Variants in SYT1 observed in about 807,000 individuals in gnomAD.
SYT1 encodes synaptotagmin 1, also known as synaptotagmin-1.
A neutral mutation model predicts 44.8 loss-of-function variants in SYT1; 8 were observed. The observed-to-expected ratio is 0.18, with a 90% confidence interval of 0.10 to 0.32. The LOEUF (loss-of-function observed/expected upper bound fraction) is 0.32, where lower values mean the gene tolerates loss of function less well. Among genes scored for constraint, SYT1 ranks in the 10% least tolerant of loss-of-function variants. SYT1 has a pLI of 1.00. For missense variants in SYT1, 286 were observed against 509.3 expected (o/e 0.56, Z 4.22); for synonymous variants, 154 against 188.8 (o/e 0.82, Z 1.51).
chr12:79,252,799 A>T (rs1427487407), intron 4 of SYT1, among the ~76,000 whole-genome samples: 1 of 152,190 alleles, frequency 6.6e-6, no homozygotes, highest in Non-Finnish European at 1.5e-5. Flanking sequence ...ATCCTGACTA[A>T]TACAGCCACC....
rs551739227 is a variant in SYT1, at chr12:78,990,399, A to G, written c.-84+12468A>G. On this transcript the variant is annotated intron_variant, in intron 2 of 10. Coordinates refer to ENST00000261205, the MANE Select transcript of SYT1 (RefSeq NM_005639.3). ...ATTATTGTAACTTTTTCTGACTTTA[A>G]AAACTATAACCCAAGCAATCTATTG... Among the ~76,000 whole-genome samples the G allele has an allele frequency of 3.9e-5, 6 of 152,288 alleles. No individual in the cohort carries two copies. In the South Asian group the frequency reaches 1.2e-3, roughly 32 times the overall value.
At chr12:79,091,846 A>C (rs763610340) in intron 3 of SYT1, among the ~76,000 whole-genome samples, 1 of 152,006 alleles carries the variant, frequency 6.6e-6, no homozygotes, top group Non-Finnish European at 1.5e-5. Flanking sequence ...GTTAATCACA[A>C]TAAAACTAAT....
chr12:79,081,344 A>G (rs534185495), intron 3 of SYT1, among the ~76,000 whole-genome samples: 1 of 151,800 alleles, frequency 6.6e-6, no homozygotes, highest in East Asian at 1.9e-4. Flanking sequence ...TTTTACCTCC[A>G]CAGTGGAATC....
chr12:79,126,824 G>A (rs2138158555), intron 3 of SYT1, among the ~76,000 whole-genome samples: 1 of 152,274 alleles, frequency 6.6e-6, no homozygotes, highest in East Asian at 1.9e-4. Context: ...AATTAGGGTA[G>A]GGTTTACCAG....
chr12:78,967,925 G>T (rs1002513197), intron 1 of SYT1, among the ~76,000 whole-genome samples: 2 of 152,078 alleles, frequency 1.3e-5, no homozygotes, highest in African/African-American at 4.8e-5. Context: ...GAAACAAAGA[G>T]TGAAAAGAAG....
chr12:79,163,594 C>T (rs145065076), intron 3 of SYT1, among the ~76,000 whole-genome samples: 51 of 152,156 alleles, frequency 3.4e-4, no homozygotes, highest in African/African-American at 6.3e-4. Context: ...CAGTAATTGT[C>T]AGGGTCAATT....
chr12:79,265,233 C>G (rs1053809972), intron 4 of SYT1, among the ~76,000 whole-genome samples: 2 of 152,096 alleles, frequency 1.3e-5, no homozygotes, highest in African/African-American at 4.8e-5. Flanking sequence ...CTTATCTCTT[C>G]TCTCCACCTG....
chr12:79,091,304 C>T (rs1010122096), intron 3 of SYT1, among the ~76,000 whole-genome samples: 6 of 151,936 alleles, frequency 3.9e-5, no homozygotes, highest in Non-Finnish European at 8.8e-5. Context: ...AGAAAAATGT[C>T]TCATTTTAGG....
intron 10 of SYT1, among the ~76,000 whole-genome samples, chr12:79,446,640 CAT>C (rs1245718239): frequency 6.6e-6 from 1 of 152,106 alleles, no homozygotes; most frequent in Non-Finnish European, 1.5e-5. Context: ...CAACCTTTAT[CAT>C]ATAAATTTTC....
chr12:79,424,675 C>T (rs984125460), intron 9 of SYT1, among the ~76,000 whole-genome samples: 3 of 152,080 alleles, frequency 2.0e-5, no homozygotes, highest in African/African-American at 7.2e-5. Flanking sequence ...TTTTTACAAA[C>T]TGATTGGCCA....
intron 3 of SYT1, among the ~76,000 whole-genome samples, chr12:79,146,352 T>C (rs1869913378): frequency 6.6e-6 from 1 of 152,182 alleles, no homozygotes; most frequent in Non-Finnish European, 1.5e-5. Flanking sequence ...AACTGTCAGC[T>C]GTATGTCAGG....
chr12:79,083,154 A>G (rs1449635149), intron 3 of SYT1, among the ~76,000 whole-genome samples: 2 of 152,174 alleles, frequency 1.3e-5, no homozygotes, highest in East Asian at 3.9e-4. Context: ...AAAAAATTAT[A>G]ATGTCAATAA....
In SYT1 at chr12:78,931,230, A is replaced by AGGAAGGAAG. The variant is rs1221149198; in HGVS notation, c.-216-46568_-216-46567insGAAGGAAGG. 1.0e-4 allele frequency among the ~76,000 whole-genome samples: 6 copies of AGGAAGGAAG among 58,370 alleles called. 1 individual carries two copies. Among genetic ancestry groups the AGGAAGGAAG allele is most frequent in the African/African-American group, 5.0e-4 (5 of 9,994 alleles). 38.3% of individuals were successfully genotyped at this position (58,370 alleles called of 152,430 possible). On this transcript the variant is annotated intron_variant, in intron 1 of 10. Transcript: ENST00000261205. ...AAGAAAGAAAGAAAGAAAGAAAGAAAGAAAGAAAGAAGGAAGGAAGGAAGG... is the reference window on the plus strand; with the variant it reads ...AAGAAAGAAAGAAAGAAAGAAAGAAAGGAAGGAAGGAAAGAAAGAAGGAAGGAAGGAAGG...
intron 4 of SYT1, among the ~76,000 whole-genome samples, chr12:79,243,633 T>G (rs1315949861): frequency 1.3e-5 from 2 of 152,008 alleles, no homozygotes; most frequent in Admixed American, 1.3e-4. Flanking sequence ...CACTCCAGAG[T>G]GGCAGAGTTG....
At chr12:79,198,183 C>T (rs1012902491) in intron 3 of SYT1, among the ~76,000 whole-genome samples, 49 of 152,008 alleles carry the variant, frequency 3.2e-4, no homozygotes, top group Non-Finnish European at 1.8e-4. Flanking sequence ...TTATCTTTGG[C>T]GTTTTAGTAC....
At chr12:78,985,638 T>C (rs1229012114) in intron 2 of SYT1, among the ~76,000 whole-genome samples, 1 of 151,826 alleles carries the variant, frequency 6.6e-6, no homozygotes, top group Admixed American at 6.6e-5. Flanking sequence ...TATGTTCTTT[T>C]AGGACTGTTA....
chr12:79,221,237 T>C (rs1875140326), intron 4 of SYT1, among the ~76,000 whole-genome samples: 1 of 152,162 alleles, frequency 6.6e-6, no homozygotes, highest in Admixed American at 6.5e-5. Flanking sequence ...TACACATATA[T>C]AGTTATTCCT....
intron 1 of SYT1, among the ~76,000 whole-genome samples, chr12:78,895,074 C>A (rs1247132328): frequency 6.6e-6 from 1 of 151,382 alleles, no homozygotes; most frequent in Non-Finnish European, 1.5e-5. Context: ...AAATTAAAAA[C>A]TAAAAAAAAT....
chr12:79,391,963 A>G (rs927869198), intron 9 of SYT1, among the ~76,000 whole-genome samples: 4 of 36,652 alleles, frequency 1.1e-4, no homozygotes, highest in African/African-American at 1.4e-4. Flanking sequence ...AAGGTGTCCA[A>G]TTCATATTGT....
Sources: gnomAD v4.1 joint callset for allele counts (sites outside exome capture counted in the v4.1 genomes callset) on GRCh38, gnomAD v4.1.1 for gene constraint, MANE v1.5 for transcripts, NCBI Gene and HGNC (gene_info 2026-07-23, HGNC 2026-07-21) for gene names.